ETAA1: variants seen among roughly 807,000 people sequenced by gnomAD.
ETAA1 encodes ETAA1 activator of ATR kinase.
Under a neutral mutation model 76.8 loss-of-function variants are expected in ETAA1, and 49 were observed. That is an observed-to-expected ratio of 0.64 (90% confidence interval 0.51 to 0.81). The LOEUF is 0.81. ETAA1 is among the 30% of genes least tolerant of loss of function. The pLI is 0.00. For synonymous variants in ETAA1, 373 were observed against 372.2 expected (o/e 1.00, Z -0.03); for missense variants, 1,099 against 1,074.0 (o/e 1.02, Z -0.32).
In ETAA1 at chr2:67,402,994, C is replaced by G. The variant is rs751879683; in HGVS notation, c.542+20C>G. 10 of 1,559,842 alleles carry G rather than the reference C, an allele frequency of 6.4e-6. No homozygotes were observed. In the African/African-American group the frequency reaches 8.3e-5, roughly 13 times the overall value. On this transcript the variant is annotated intron_variant, in intron 4 of 5. Transcript: ENST00000272342. ...CACAAAGTAAGTTAAGACTTTTCAG[C>G]TTTTCTGAAATTCAGTGAAGCAAAT...
At chr2:67,397,737 A>T (rs993305486) in intron 1 of ETAA1, 66 bp downstream of exon 1, 4 of 1,464,156 alleles carry the variant, frequency 2.7e-6, no homozygotes, top group Admixed American at 3.9e-5. Context: ...AGCTTGCAAC[A>T]GGGAAATCTG....
chr2:67,410,153 G>A lies in ETAA1; in HGVS notation c.*115G>A. ...TGTAATGCTGACTTTTATAAAGCCT[G>A]GACTTCTACTTTATTTAATAAATCA... On this transcript the variant is annotated 3_prime_UTR_variant, in exon 6 of 6. Coordinates refer to ENST00000272342, the MANE Select transcript of ETAA1 (RefSeq NM_019002.4). The A allele has an allele frequency of 1.1e-6, 1 of 901,398 alleles. No individual in the cohort carries two copies. Among genetic ancestry groups the A allele is most frequent in the Non-Finnish European group, 1.7e-6 (1 of 579,888 alleles). The allele number at this position is 901,398 out of a possible 1,614,324, so 55.8% of individuals were successfully genotyped here.
chr2:67,397,438 G>C lies in ETAA1; in HGVS notation c.-11G>C, dbSNP rs368634719. 359 of 1,582,084 alleles carry C rather than the reference G, an allele frequency of 2.3e-4. 2 individuals carry two copies. The highest frequency in any genetic ancestry group is 3.8e-4 in the Admixed American group (21 of 55,078). On this transcript the variant is annotated 5_prime_UTR_variant, in exon 1 of 6. Coordinates refer to ENST00000272342, the MANE Select transcript of ETAA1 (RefSeq NM_019002.4). ...AAAGAAGAAGCGGCTGGTGGAGGCGGGCCATAGGCAATGAGTCGGCGAAGG... is the reference window on the plus strand; with the variant it reads ...AAAGAAGAAGCGGCTGGTGGAGGCGCGCCATAGGCAATGAGTCGGCGAAGG...
chr2:67,405,172 G>A lies in ETAA1; in HGVS notation c.2490G>A (p.Gln830=). ...KFTFTRMKNS[Q]ILSQFNQNCI... is the part of the protein sequence containing the mutation. Reference sequence around the variant, plus strand: ...CATTTACAAGGATGAAAAATTCTCAGATTCTTTCTCAGTTTAATCAAAATT... The same window carrying A: ...CATTTACAAGGATGAAAAATTCTCAAATTCTTTCTCAGTTTAATCAAAATT... Residue 830 remains glutamine (Q), a synonymous_variant, in exon 5 of 6, where the codon CAG becomes CAA. Coordinates refer to ENST00000272342, the MANE Select transcript of ETAA1 (RefSeq NM_019002.4). The A allele has an allele frequency of 6.2e-7, 1 of 1,612,456 alleles. No individual in the cohort carries two copies. The highest frequency in any genetic ancestry group is 1.1e-5 in the South Asian group (1 of 90,972).
At chr2:67,399,725 T>C (rs1353244968) in intron 3 of ETAA1, 99 bp downstream of exon 3, 2 of 759,030 alleles carry the variant, frequency 2.6e-6, no homozygotes, top group Middle Eastern at 3.2e-4. Context: ...CTATTATAAT[T>C]CTTTTTTCCA....
intron 3 of ETAA1, 86 bp from the exon 4 acceptor site, chr2:67,402,776 T>G: frequency 2.4e-6 from 2 of 832,226 alleles, no homozygotes; most frequent in Non-Finnish European, 3.5e-6. Context: ...TAGTTTTTAT[T>G]GTCTTTTTTC....
In ETAA1 at chr2:67,399,159, T is replaced by G. The variant is rs1390908471; in HGVS notation, c.224-10T>G. On this transcript the variant is annotated splice_polypyrimidine_tract_variant and intron_variant, in intron 1 of 5. Transcript: ENST00000272342. ...TGCAACAATTGTTATTTTACTCATA[T>G]TTTATATAGAAAGGTATGAAACACC... The G allele has an allele frequency of 7.5e-6, 12 of 1,603,332 alleles. No homozygotes were observed. The South Asian group carries it at 1.2e-4, about 17-fold the overall frequency.
chr2:67,397,958 C>G (rs915903958), intron 1 of ETAA1, among the ~76,000 whole-genome samples: 9 of 152,196 alleles, frequency 5.9e-5, no homozygotes, highest in Admixed American at 5.9e-4. Flanking sequence ...GGCTGCTCCT[C>G]CAGTCAGCAG....
rs1319273094 is a variant in ETAA1 at position 67,403,559 on chromosome 2, T to C, written c.877T>C (p.Cys293Arg). The C allele has an allele frequency of 2.5e-6, 4 of 1,613,426 alleles. No individual in the cohort carries two copies. The highest frequency in any genetic ancestry group is 3.4e-6 in the Non-Finnish European group (4 of 1,179,456). ...NAIFDGSTQKCSGQLSQELPE... is the reference protein window; with the variant it reads ...NAIFDGSTQKRSGQLSQELPE... ...TATTTTTGATGGTTCTACTCAGAAA[T>C]GTAGCGGACAGTTAAGCCAAGAACT... The change falls in exon 5 of 6, where the codon TGT (cysteine) becomes CGT (arginine). Residue 293 changes from cysteine (C) to arginine (R), a missense_variant. Coordinates refer to ENST00000272342, the MANE Select transcript of ETAA1 (RefSeq NM_019002.4).
In ETAA1 at chr2:67,412,066, C is replaced by G. The variant is rs1401182343; in HGVS notation, c.*2028C>G. The G allele has an allele frequency of 6.6e-6, 1 of 151,936 alleles. No homozygotes were observed. Among genetic ancestry groups the G allele is most frequent in the Non-Finnish European group, 1.5e-5 (1 of 67,976 alleles). 9.4% of individuals were successfully genotyped at this position (151,936 alleles called of 1,614,324 possible). Reference sequence around the variant, plus strand: ...TTATTGTGTCTTTCATTGAGCAATACTATAATGCCTTTATGTGTTGTTTAG... The same window carrying G: ...TTATTGTGTCTTTCATTGAGCAATAGTATAATGCCTTTATGTGTTGTTTAG... On this transcript the variant is annotated 3_prime_UTR_variant, in exon 6 of 6. Coordinates refer to ENST00000272342, the MANE Select transcript of ETAA1 (RefSeq NM_019002.4).
At chr2:67,399,434 A>G in intron 2 of ETAA1, 116 bp from the exon 3 acceptor site, 2 of 1,114,826 alleles carry the variant, frequency 1.8e-6, no homozygotes, top group Admixed American at 2.4e-5. Flanking sequence ...TATGTGATGT[A>G]AACACATAAT....
At chr2:67,399,099 C>T in intron 1 of ETAA1, 70 bp from the exon 2 acceptor site, 2 of 1,405,790 alleles carry the variant, frequency 1.4e-6, no homozygotes, top group Non-Finnish European at 1.9e-6. Context: ...GCTATTTGAC[C>T]TTGGGGTCTT....
intron 5 of ETAA1, among the ~76,000 whole-genome samples, chr2:67,409,596 G>A (rs569025737): frequency 6.6e-6 from 1 of 151,476 alleles, no homozygotes; most frequent in East Asian, 1.9e-4. Context: ...ATATTTATTC[G>A]TGGGTCATAT....
chr2:67,399,477 A>G, intron 2 of ETAA1, 73 bp from the exon 3 acceptor site: 1 of 1,262,606 alleles, frequency 7.9e-7, no homozygotes, highest in Non-Finnish European at 1.1e-6. Context: ...ATTACTTTCT[A>G]AGAAGTGACA....
chr2:67,404,800 G>A lies in ETAA1; in HGVS notation c.2118G>A (p.Leu706=). 6.2e-7 allele frequency: 1 copy of A among 1,613,336 alleles called. No homozygotes were observed. The highest frequency in any genetic ancestry group is 8.5e-7 in the Non-Finnish European group (1 of 1,179,554). Residue 706 remains leucine, a synonymous_variant, in exon 5 of 6, where the codon TTG becomes TTA. Transcript: ENST00000272342. ...GCAGCATTTCAGTGCAGACATCTTT[G>A]ACAAATAGCTCACAAATAGATAAGC... The part of the protein sequence containing the change: ...NPGSISVQTS[L]TNSSQIDKPM...
rs536717637 is a variant in ETAA1 at position 67,397,380 on chromosome 2, G to A, written c.-69G>A. 1.4e-6 allele frequency: 2 copies of A among 1,477,394 alleles called. No individual in the cohort carries two copies. The highest frequency in any genetic ancestry group is 1.9e-6 in the Non-Finnish European group (2 of 1,080,964). 91.5% of individuals were successfully genotyped at this position (1,477,394 alleles called of 1,614,324 possible). ...GTTGGTGCGGGGTGCGGTTTGTAGT[G>A]CTGTTGCCCTACTCATCCCTTTGCA... On this transcript the variant is annotated 5_prime_UTR_variant, in exon 1 of 6. Transcript: ENST00000272342.
chr2:67,397,738 G>C, intron 1 of ETAA1, 67 bp downstream of exon 1: 1 of 1,438,754 alleles, frequency 7.0e-7, no homozygotes, highest in Non-Finnish European at 9.5e-7. Context: ...GCTTGCAACA[G>C]GGAAATCTGG....
Position 67,404,555 on chromosome 2 carries a change from G to C in ETAA1, c.1873G>C (p.Asp625His), listed in dbSNP as rs757997139. 1.9e-6 allele frequency: 3 copies of C among 1,613,212 alleles called. No individual in the cohort carries two copies. Among genetic ancestry groups the C allele is most frequent in the Non-Finnish European group, 2.5e-6 (3 of 1,179,524 alleles). Residue 625 changes from aspartate (D) to histidine (H), a missense_variant, in exon 5 of 6, where the codon GAC (aspartate) becomes CAC (histidine). By Grantham distance (81) the Asp-to-His change is moderately conservative. Around this residue, in one of 3 missense-constraint regions of ETAA1, gnomAD observed 761 missense variants for 731.9 expected, o/e 1.04. Coordinates refer to ENST00000272342, the MANE Select transcript of ETAA1 (RefSeq NM_019002.4). ...DDIERLTQQQ[D>H]IRKDSKTSES... The stretch of plus-strand genomic sequence containing the variant: ...TATTGAAAGACTAACTCAGCAACAA[G>C]ACATTAGAAAGGACAGTAAGACATC...
In ETAA1 at chr2:67,405,330, C is replaced by T; in HGVS notation, c.2648C>T (p.Ser883Leu). 2.0e-6 allele frequency: 3 copies of T among 1,529,500 alleles called. No individual in the cohort carries two copies. Among genetic ancestry groups the T allele is most frequent in the Non-Finnish European group, 2.6e-6 (3 of 1,141,704 alleles). The allele number at this position is 1,529,500 out of a possible 1,614,324, so 94.7% of individuals were successfully genotyped here. The change falls in exon 5 of 6, where the codon TCA becomes TTA. Residue 883 changes from serine to leucine, a missense_variant. Transcript: ENST00000272342. ...CTTTCTGAATCTTTGAAACAATCTT[C>T]AAAAGGTATGTATGAAATATGAAAT... ...VKLSESLKQSSKEEEEKNRKC... is the reference protein window; with the variant it reads ...VKLSESLKQSLKEEEEKNRKC...
Sources: gnomAD v4.1 joint callset for allele counts (sites outside exome capture counted in the v4.1 genomes callset) on GRCh38, gnomAD v4.1.1 for gene constraint, gnomAD v4.1.1 regional missense constraint, MANE v1.5 for transcripts, NCBI Gene and HGNC (gene_info 2026-07-23, HGNC 2026-07-21) for gene names.